Variants in PDE8A observed in about 807,000 individuals in gnomAD.
PDE8A encodes the protein high affinity cAMP-specific and IBMX-insensitive 3',5'-cyclic phosphodiesterase 8A.
In PDE8A, 59 loss-of-function variants were observed where a neutral mutation model predicts 105.0. The observed-to-expected ratio is 0.56, with a 90% CI of 0.46 to 0.70. The LOEUF (loss-of-function observed/expected upper bound fraction) is 0.70. PDE8A is among the 30% of genes least tolerant of loss of function. The pLI is 0.00. For synonymous variants in PDE8A, 355 were observed against 371.9 expected (o/e 0.95, Z 0.52); for missense variants, 1,014 against 1,045.9 (o/e 0.97, Z 0.42).
intron 1 of PDE8A, among the ~76,000 whole-genome samples, chr15:85,050,844 A>G (rs147519464): frequency 6.6e-6 from 1 of 152,276 alleles, no homozygotes; most frequent in Admixed American, 6.5e-5. Context: ...TGTTTCTTCA[A>G]AAAACATATT....
chr15:85,070,827 A>C (rs1180902132), intron 3 of PDE8A, among the ~76,000 whole-genome samples: 1 of 152,174 alleles, frequency 6.6e-6, no homozygotes, highest in African/African-American at 2.4e-5. Context: ...AGCAGGATAG[A>C]AAAATAACTT....
chr15:85,042,000 T>C (rs1025136909), intron 1 of PDE8A, among the ~76,000 whole-genome samples: 2 of 152,216 alleles, frequency 1.3e-5, no homozygotes, highest in African/African-American at 4.8e-5. Flanking sequence ...CCTTGATTTT[T>C]CTGAGATGAT....
intron 2 of PDE8A, among the ~76,000 whole-genome samples, chr15:85,066,611 C>CACAT (rs2081232161): frequency 8.4e-6 from 1 of 118,638 alleles, no homozygotes; most frequent in Non-Finnish European, 1.6e-5. Context: ...CACACACACA[C>CACAT]ACACACACAC....
At chr15:85,018,815 A>G (rs2080371901) in intron 1 of PDE8A, among the ~76,000 whole-genome samples, 1 of 152,200 alleles carries the variant, frequency 6.6e-6, no homozygotes, top group South Asian at 2.1e-4. Context: ...TAGTAAGAAT[A>G]TTTTAAATGT....
chr15:85,103,524 T>G (rs890275114), intron 11 of PDE8A, among the ~76,000 whole-genome samples: 1 of 152,220 alleles, frequency 6.6e-6, no homozygotes, highest in Non-Finnish European at 1.5e-5. Context: ...GGAGCTGTTA[T>G]AGGCCATGGG....
At chr15:85,057,826 A>G (rs1371617462) in intron 1 of PDE8A, among the ~76,000 whole-genome samples, 1 of 152,128 alleles carries the variant, frequency 6.6e-6, no homozygotes, top group Non-Finnish European at 1.5e-5. Flanking sequence ...TATTCTGTAC[A>G]ATAATGTATT....
intron 1 of PDE8A, among the ~76,000 whole-genome samples, chr15:85,024,510 T>C (rs1443176045): frequency 6.6e-6 from 1 of 152,106 alleles, no homozygotes. Context: ...ACCAACTAAT[T>C]TCTATGTGGG....
chr15:85,060,657 A>C (rs966106776), intron 1 of PDE8A, among the ~76,000 whole-genome samples: 2 of 152,196 alleles, frequency 1.3e-5, no homozygotes. Context: ...TTGTGTGCCC[A>C]AAAGCGTACA....
chr15:85,031,910 C>T (rs1207997616), intron 1 of PDE8A, among the ~76,000 whole-genome samples: 1 of 152,310 alleles, frequency 6.6e-6, no homozygotes, highest in East Asian at 1.9e-4. Flanking sequence ...TCCTAACCTG[C>T]AGGTTACCCT....
intron 1 of PDE8A, among the ~76,000 whole-genome samples, chr15:85,038,086 T>G (rs545756076): frequency 3.5e-4 from 54 of 152,352 alleles, no homozygotes; most frequent in Non-Finnish European, 6.9e-4. Flanking sequence ...ATAAAATTGT[T>G]AAAACTTAAA....
At chr15:84,980,691 G>A (rs1233078235), upstream of PDE8A, 1 of 152,438 alleles carries the variant, frequency 6.6e-6, no homozygotes, top group East Asian at 1.9e-4. Flanking sequence ...AAGAAGTTAA[G>A]TGACTGGCCC....
intron 1 of PDE8A, among the ~76,000 whole-genome samples, chr15:85,049,108 T>C (rs1048920987): frequency 3.3e-5 from 5 of 151,712 alleles, no homozygotes. Flanking sequence ...TCTCAAAAAA[T>C]AAAAAATAAA....
At chr15:85,028,815 G>T (rs1391058301) in intron 1 of PDE8A, among the ~76,000 whole-genome samples, 1 of 147,736 alleles carries the variant, frequency 6.8e-6, no homozygotes, top group African/African-American at 2.5e-5. Flanking sequence ...GATTTTTCTT[G>T]TCCTTTCCAA....
intron 1 of PDE8A, among the ~76,000 whole-genome samples, chr15:85,042,462 A>G (rs546796625): frequency 6.6e-6 from 1 of 152,308 alleles, no homozygotes; most frequent in East Asian, 1.9e-4. Context: ...CCCAGCCAAG[A>G]GATGGTTTTA....
At chr15:85,005,693 A>G (rs2080135151) in intron 1 of PDE8A, among the ~76,000 whole-genome samples, 1 of 152,188 alleles carries the variant, frequency 6.6e-6, no homozygotes, top group Admixed American at 6.5e-5. Flanking sequence ...GACAAATGAA[A>G]ACTGTGAAAG....
At chr15:85,088,407 C>T (rs2081588295) in intron 6 of PDE8A, among the ~76,000 whole-genome samples, 1 of 152,214 alleles carries the variant, frequency 6.6e-6, no homozygotes, top group African/African-American at 2.4e-5. Flanking sequence ...TTACGGTTTT[C>T]AAGGTTCATT....
intron 1 of PDE8A, among the ~76,000 whole-genome samples, chr15:85,022,539 AAT>A (rs1491560201): frequency 9.9e-5 from 8 of 80,868 alleles, no homozygotes; most frequent in African/African-American, 4.6e-4. Flanking sequence ...ATATATGCAA[AAT>A]TTTTTTTTTT....
At chr15:85,015,664 G>A (rs1353597934) in intron 1 of PDE8A, among the ~76,000 whole-genome samples, 3 of 151,832 alleles carry the variant, frequency 2.0e-5, no homozygotes, top group Non-Finnish European at 4.4e-5. Context: ...TTCTCATATC[G>A]TGATTGAGAT....
rs373689394 is a variant in PDE8A at position 85,038,857 on chromosome 15, C to T, written c.187-25513C>T. ...AAAGATAAGGCTGAGGCCGGTGGCT[C>T]ACACCTGTAATCCCAGCACTTTGGG... On this transcript the variant is annotated intron_variant, in intron 1 of 21. Transcript: ENST00000394553. 3.2e-3 allele frequency among the ~76,000 whole-genome samples: 484 copies of T among 152,290 alleles called. 3 individuals are homozygous for T. The highest frequency in any genetic ancestry group is 0.011 in the African/African-American group (454 of 41,566).
Sources: gnomAD v4.1 joint callset for allele counts (sites outside exome capture counted in the v4.1 genomes callset) on GRCh38, gnomAD v4.1.1 for gene constraint, MANE v1.5 for transcripts, NCBI Gene and HGNC (gene_info 2026-07-23, HGNC 2026-07-21) for gene names.